Variants in OPCML observed in about 807,000 individuals in gnomAD.
OPCML encodes the protein opioid-binding protein/cell adhesion molecule.
In OPCML, 13 loss-of-function variants were observed where a neutral mutation model predicts 37.8. The ratio of observed to expected loss-of-function variants is 0.34; its 90% confidence interval spans 0.22 to 0.55. The LOEUF is 0.55. Ranked by LOEUF, OPCML falls within the 20% of genes least tolerant of loss-of-function variation. The probability of loss-of-function intolerance (pLI) is 0.91; values close to 1 mark genes in which losing one functional copy is unlikely to be tolerated. For synonymous variants in OPCML, 176 were observed against 168.8 expected, an observed-to-expected ratio of 1.04 and a Z score of -0.33; for missense variants, 341 against 435.6, an observed-to-expected ratio of 0.78 and a Z score of 1.93.
intron 3 of OPCML, among the ~76,000 whole-genome samples, chr11:132,634,917 T>G (rs1940390306): frequency 6.6e-6 from 1 of 151,874 alleles, no homozygotes; most frequent in Non-Finnish European, 1.5e-5. Flanking sequence ...AACTCAGCCT[T>G]GCATGCGAGA....
At chr11:133,438,918 G>C (rs1466995637) in intron 1 of OPCML, among the ~76,000 whole-genome samples, 1 of 152,088 alleles carries the variant, frequency 6.6e-6, no homozygotes, top group East Asian at 1.9e-4. Flanking sequence ...GGCTGGGAGG[G>C]GTGAACCCGG....
At chr11:133,231,147 A>T (rs1592126550) in intron 1 of OPCML, among the ~76,000 whole-genome samples, 1 of 152,284 alleles carries the variant, frequency 6.6e-6, no homozygotes, top group Admixed American at 6.5e-5. Flanking sequence ...ATACGATATG[A>T]TTTTCCTTCA....
chr11:132,584,507 A>G (rs2096468471), intron 3 of OPCML, among the ~76,000 whole-genome samples: 1 of 152,198 alleles, frequency 6.6e-6, no homozygotes, highest in Non-Finnish European at 1.5e-5. Context: ...TTTAAAATAA[A>G]ATATGATTTT....
chr11:133,257,343 CTG>C (rs1394239672), intron 1 of OPCML, among the ~76,000 whole-genome samples: 1 of 152,222 alleles, frequency 6.6e-6, no homozygotes. Context: ...GGGCAATACT[CTG>C]AGAAAGGCAG....
At chr11:133,035,502 A>T (rs1230233195) in intron 1 of OPCML, among the ~76,000 whole-genome samples, 1 of 152,206 alleles carries the variant, frequency 6.6e-6, no homozygotes, top group Non-Finnish European at 1.5e-5. Context: ...GCCAGAACAG[A>T]TCTAGACTAA....
intron 3 of OPCML, among the ~76,000 whole-genome samples, chr11:132,533,321 G>A (rs954903975): frequency 2.6e-5 from 4 of 152,156 alleles, no homozygotes; most frequent in African/African-American, 9.7e-5. Context: ...TTGGATAGAT[G>A]ACAGATGGGT....
At chr11:133,439,661 G>A (rs1399267527) in intron 1 of OPCML, among the ~76,000 whole-genome samples, 1 of 151,244 alleles carries the variant, frequency 6.6e-6, no homozygotes, top group Non-Finnish European at 1.5e-5. Context: ...TAGAGACGGG[G>A]TTTCACCGTT....
intron 2 of OPCML, among the ~76,000 whole-genome samples, chr11:132,739,872 G>A (rs1945381999): frequency 6.6e-6 from 1 of 152,008 alleles, no homozygotes; most frequent in African/African-American, 2.4e-5. Flanking sequence ...CAGTGTTTTG[G>A]TACAGCTCAG....
At chr11:133,400,562 T>C (rs1945380493) in intron 1 of OPCML, among the ~76,000 whole-genome samples, 1 of 152,224 alleles carries the variant, frequency 6.6e-6, no homozygotes, top group Non-Finnish European at 1.5e-5. Flanking sequence ...ATAATGGTTG[T>C]ACAATGAGAA....
At chr11:133,262,504 C>A (rs1023934102) in intron 1 of OPCML, among the ~76,000 whole-genome samples, 1 of 152,184 alleles carries the variant, frequency 6.6e-6, no homozygotes, top group Non-Finnish European at 1.5e-5. Context: ...GATGTTAGAT[C>A]CATTCTGCAG....
chr11:132,943,141 TC>T lies in OPCML; in HGVS notation c.62-132del, dbSNP rs1945642335. 5 of 1,604,876 alleles carry T rather than the reference TC, an allele frequency of 3.1e-6. No homozygotes were observed. In the East Asian group the frequency reaches 1.1e-4, roughly 36 times the overall value. ...GACTCCGGCAGCCGCACAGTCCTGG[TC>T]CCCCGCCCCGCGCACCAGCGGGCTC... On this transcript the variant is annotated intron_variant, in intron 1 of 7. Coordinates refer to ENST00000524381, the MANE Select transcript of OPCML (RefSeq NM_001012393.5). This position sits in a 1 kb window ranked among gnomAD's most constrained non-coding sequence, Gnocchi z 4.3.
intron 7 of OPCML, among the ~76,000 whole-genome samples, chr11:132,427,089 C>T (rs2095980040): frequency 6.6e-6 from 1 of 151,902 alleles, no homozygotes; most frequent in African/African-American, 2.4e-5. Context: ...CTCCAGCAAC[C>T]ATAAACTATA....
intron 1 of OPCML, among the ~76,000 whole-genome samples, chr11:133,509,589 A>G (rs7936263): frequency 0.43 from 65,889 of 151,936 alleles, 18,673 homozygotes; most frequent in African/African-American, 0.8. Context: ...ATCCTCTCAC[A>G]CTTCCTATGA....
intron 1 of OPCML, chr11:133,423,229 T>C (rs1404721144): frequency 1.0e-6 from 1 of 985,332 alleles, no homozygotes; most frequent in African/African-American, 1.7e-5. Context: ...TTTAATTGCC[T>C]CATTCTAGAG....
intron 1 of OPCML, among the ~76,000 whole-genome samples, chr11:133,343,055 C>T (rs750875898): frequency 5.3e-5 from 8 of 152,142 alleles, no homozygotes; most frequent in Non-Finnish European, 8.8e-5. Context: ...CCTTGACCTC[C>T]TAGCCTCAAA....
intron 1 of OPCML, among the ~76,000 whole-genome samples, chr11:133,076,660 C>G (rs967421499): frequency 2.0e-5 from 3 of 152,132 alleles, no homozygotes; most frequent in African/African-American, 7.2e-5. Flanking sequence ...CACCCCACCC[C>G]CCGCATAGAA....
intron 1 of OPCML, among the ~76,000 whole-genome samples, chr11:133,356,026 T>G (rs768656187): frequency 6.6e-6 from 1 of 152,158 alleles, no homozygotes; most frequent in Non-Finnish European, 1.5e-5. Flanking sequence ...CTCTAAAGGC[T>G]TCAAGACATT....
chr11:133,011,485 A>AT (rs1947212794), intron 1 of OPCML, among the ~76,000 whole-genome samples: 2 of 152,304 alleles, frequency 1.3e-5, no homozygotes, highest in East Asian at 3.9e-4. Context: ...AGATTCCATG[A>AT]TTTTACCCAG....
chr11:133,381,286 C>G (rs768782388), intron 1 of OPCML, among the ~76,000 whole-genome samples: 12 of 152,208 alleles, frequency 7.9e-5, no homozygotes, highest in Non-Finnish European at 1.3e-4. Flanking sequence ...AAGAGGGAAA[C>G]AGCAGGGAAA....
Sources: allele counts gnomAD v4.1 joint callset (sites outside exome capture counted in the v4.1 genomes callset), GRCh38; gene constraint gnomAD v4.1.1; non-coding constraint Gnocchi (gnomAD v3.1); transcripts MANE v1.5; gene names NCBI Gene and HGNC (gene_info 2026-07-23, HGNC 2026-07-21).